The following PCDH9 variants were observed in gnomAD, a reference collection of about 807,000 sequenced individuals.
The protein encoded by PCDH9 is protocadherin 9, also known as protocadherin-9.
In PCDH9, 24 loss-of-function variants were observed where a neutral mutation model predicts 70.6. The ratio of observed to expected loss-of-function variants is 0.34; its 90% CI spans 0.25 to 0.48. The LOEUF (loss-of-function observed/expected upper bound fraction) is 0.48, where lower values mean the gene tolerates loss of function less well. Among genes scored for constraint, PCDH9 ranks in the 20% least tolerant of loss-of-function variants. PCDH9 has a pLI of 0.99. For missense variants in PCDH9, 1,281 were observed against 1,503.6 expected, an observed-to-expected ratio of 0.85 and a Z score of 2.45; for synonymous variants, 562 against 558.5, an observed-to-expected ratio of 1.01 and a Z score of -0.09.
chr13:66,956,875 T>C (rs1035299888), intron 2 of PCDH9, among the ~76,000 whole-genome samples: 1 of 152,136 alleles, frequency 6.6e-6, no homozygotes, highest in Non-Finnish European at 1.5e-5. Flanking sequence ...CACCAAAACA[T>C]ACCCAGGAAT....
At chr13:66,994,284 G>C (rs1464034653) in intron 2 of PCDH9, among the ~76,000 whole-genome samples, 1 of 152,160 alleles carries the variant, frequency 6.6e-6, no homozygotes, top group Non-Finnish European at 1.5e-5. Context: ...GCAAATGGCT[G>C]CTGCCAGGAT....
chr13:66,856,056 T>A (rs1254538191), intron 3 of PCDH9, among the ~76,000 whole-genome samples: 1 of 152,038 alleles, frequency 6.6e-6, no homozygotes, highest in Non-Finnish European at 1.5e-5. Flanking sequence ...GTATAGGTTT[T>A]TACTTCAATA....
At chr13:67,224,605 A>G (rs1354025230) in intron 2 of PCDH9, 1 of 162,788 alleles carries the variant, frequency 6.1e-6, no homozygotes, top group African/African-American at 2.4e-5. Flanking sequence ...ATCCCTCTTC[A>G]TATGGCATAT....
At chr13:66,701,108 T>C (rs543283353) in intron 3 of PCDH9, among the ~76,000 whole-genome samples, 149 of 151,298 alleles carry the variant, frequency 9.8e-4, no homozygotes, top group African/African-American at 3.4e-3. Context: ...AAATAAAAAT[T>C]TGAGATATTT....
intron 3 of PCDH9, among the ~76,000 whole-genome samples, chr13:66,790,188 C>G (rs529056330): frequency 6.6e-6 from 1 of 152,028 alleles, no homozygotes; most frequent in Admixed American, 6.6e-5. Flanking sequence ...CTTGACATTT[C>G]TGTAATAAAT....
chr13:67,164,572 T>C (rs1594599120), intron 2 of PCDH9, among the ~76,000 whole-genome samples: 2 of 28,560 alleles, frequency 7.0e-5, no homozygotes, highest in African/African-American at 9.3e-5. Context: ...AGACTCCATC[T>C]CCAAAAAAAA....
At chr13:66,353,667 C>G (rs1956330780) in intron 4 of PCDH9, among the ~76,000 whole-genome samples, 1 of 152,122 alleles carries the variant, frequency 6.6e-6, no homozygotes, top group African/African-American at 2.4e-5. Context: ...AAACTACACT[C>G]ATTTCAACTT....
At chr13:66,737,337 C>T (rs1332063180) in intron 3 of PCDH9, among the ~76,000 whole-genome samples, 3 of 152,234 alleles carry the variant, frequency 2.0e-5, no homozygotes, top group East Asian at 3.9e-4. Context: ...AGCAATAGAC[C>T]ACTGGTTCTT....
At chr13:66,959,771 A>T (rs992573050) in intron 2 of PCDH9, among the ~76,000 whole-genome samples, 1 of 151,982 alleles carries the variant, frequency 6.6e-6, no homozygotes, top group Non-Finnish European at 1.5e-5. Context: ...AAAAGAAAGA[A>T]AAAATAAAAT....
At chr13:67,224,770 G>C (rs1453346976) in intron 2 of PCDH9, 1 of 858,704 alleles carries the variant, frequency 1.2e-6, no homozygotes, top group African/African-American at 1.8e-5. Flanking sequence ...GGCCACTGCG[G>C]ACACTAAAAA....
intron 4 of PCDH9, among the ~76,000 whole-genome samples, chr13:66,626,211 G>T (rs2077497056): frequency 6.6e-6 from 1 of 151,920 alleles, no homozygotes; most frequent in South Asian, 2.1e-4. Context: ...AAGTGAGAGG[G>T]GAGGGAATAT....
At chr13:66,616,751 A>C (rs974860039) in intron 4 of PCDH9, among the ~76,000 whole-genome samples, 8 of 152,152 alleles carry the variant, frequency 5.3e-5, no homozygotes, top group Non-Finnish European at 1.2e-4. Context: ...CTTACCAAGC[A>C]TAACTATAGC....
chr13:66,483,533 T>C (rs191377073), intron 4 of PCDH9, among the ~76,000 whole-genome samples: 44 of 152,360 alleles, frequency 2.9e-4, no homozygotes, highest in African/African-American at 9.9e-4. Context: ...TCTACTTGTT[T>C]GAGTGTACAC....
At chr13:67,004,564 A>AAAAG (rs1001686666) in intron 2 of PCDH9, among the ~76,000 whole-genome samples, 76 of 148,264 alleles carry the variant, frequency 5.1e-4, no homozygotes, top group African/African-American at 1.3e-3. Context: ...AAAAAAAAAA[A>AAAAG]AAAGAAAGAA....
intron 3 of PCDH9, among the ~76,000 whole-genome samples, chr13:66,777,632 C>G (rs1179422873): frequency 6.6e-6 from 1 of 152,086 alleles, no homozygotes; most frequent in Admixed American, 6.6e-5. Context: ...CAGGAAACAA[C>G]AGGTGCTGGA....
intron 4 of PCDH9, among the ~76,000 whole-genome samples, chr13:66,514,306 A>T (rs1431863325): frequency 1.3e-5 from 2 of 152,036 alleles, no homozygotes; most frequent in African/African-American, 4.8e-5. Flanking sequence ...TTAGCCATAC[A>T]TATTGGGATA....
At chr13:66,966,461 A>T (rs1294597316) in intron 2 of PCDH9, among the ~76,000 whole-genome samples, 1 of 152,128 alleles carries the variant, frequency 6.6e-6, no homozygotes, top group African/African-American at 2.4e-5. Context: ...GTCTGTAATG[A>T]TAGACCCTCA....
intron 4 of PCDH9, among the ~76,000 whole-genome samples, chr13:66,538,658 T>C (rs1304740828): frequency 6.6e-6 from 1 of 152,092 alleles, no homozygotes; most frequent in African/African-American, 2.4e-5. Flanking sequence ...CTTCAACTGA[T>C]TGAATAAGCC....
At chr13:66,374,906 T>C (rs76409526) in intron 4 of PCDH9, among the ~76,000 whole-genome samples, 1,725 of 152,226 alleles carry the variant, frequency 0.011, 33 homozygotes, top group African/African-American at 0.039. Context: ...TCACAGCTAA[T>C]GTTCTCATTG....
Sources: allele counts gnomAD v4.1 joint callset (sites outside exome capture counted in the v4.1 genomes callset), GRCh38; gene constraint gnomAD v4.1.1; transcripts MANE v1.5; gene names NCBI Gene and HGNC (gene_info 2026-07-23, HGNC 2026-07-21).